Variants in ADGRL3 observed in about 807,000 individuals in gnomAD.
The protein encoded by ADGRL3 is adhesion G protein-coupled receptor L3.
ADGRL3 carries 62 observed loss-of-function variants against 153.5 expected under a neutral mutation model. That is an observed-to-expected ratio of 0.40 (90% CI 0.33 to 0.50). The LOEUF (loss-of-function observed/expected upper bound fraction) is 0.50, where lower values mean the gene tolerates loss of function less well. Ranked by LOEUF, ADGRL3 falls within the 20% of genes least tolerant of loss-of-function variation. The probability of loss-of-function intolerance (pLI) is 0.47; values close to 1 mark genes in which losing one functional copy is unlikely to be tolerated. For missense variants in ADGRL3, 1,641 were observed against 1,859.4 expected, an observed-to-expected ratio of 0.88 and a Z score of 2.16; for synonymous variants, 710 against 672.5, an observed-to-expected ratio of 1.06 and a Z score of -0.86.
chr4:61,476,151 C>T (rs1039637127), intron 2 of ADGRL3, among the ~76,000 whole-genome samples: 6 of 152,156 alleles, frequency 3.9e-5, no homozygotes, highest in African/African-American at 1.4e-4. Flanking sequence ...ATTCTTTCTA[C>T]TGTTTCTTAC....
At chr4:61,873,405 G>A (rs2098457035) in intron 9 of ADGRL3, among the ~76,000 whole-genome samples, 1 of 152,136 alleles carries the variant, frequency 6.6e-6, no homozygotes, top group African/African-American at 2.4e-5. Context: ...TTTGTGCTTT[G>A]CATTAGTTTC....
At chr4:61,593,800 A>G (rs753370026) in intron 5 of ADGRL3, among the ~76,000 whole-genome samples, 107 of 152,166 alleles carry the variant, frequency 7.0e-4, no homozygotes, top group Middle Eastern at 6.8e-3. Flanking sequence ...TTTGAGTTAT[A>G]TCTGCCTGCT....
At chr4:61,925,767 A>T (rs2150036573) in intron 13 of ADGRL3, among the ~76,000 whole-genome samples, 1 of 152,182 alleles carries the variant, frequency 6.6e-6, no homozygotes, top group African/African-American at 2.4e-5. Flanking sequence ...ACCAGGCCCC[A>T]CCTCCAACAC....
intron 1 of ADGRL3, among the ~76,000 whole-genome samples, chr4:61,259,697 C>A (rs1339104998): frequency 2.6e-5 from 4 of 152,076 alleles, no homozygotes; most frequent in Non-Finnish European, 5.9e-5. Flanking sequence ...AGGAGGAAAG[C>A]AGGAGTGTTT....
rs140204398 is a variant in ADGRL3 at position 61,954,208 on chromosome 4, G to A, written c.2805+5932G>A. On this transcript the variant is annotated intron_variant, in intron 17 of 26. Coordinates refer to ENST00000683033, the MANE Select transcript of ADGRL3 (RefSeq NM_001387552.1). ...GCTACTCTGTTCTTTCAGATGCTCTGGTCCTAAAGCATGCATCACCTTTTA... is the reference window on the plus strand; with the variant it reads ...GCTACTCTGTTCTTTCAGATGCTCTAGTCCTAAAGCATGCATCACCTTTTA... Among the ~76,000 whole-genome samples the A allele has an allele frequency of 1.0e-3, 156 of 152,044 alleles. 2 individuals carry two copies. The highest frequency in any genetic ancestry group is 1.6e-3 in the Non-Finnish European group (107 of 68,012).
chr4:61,209,044 TTTAAG>T (rs1271712763), intron 1 of ADGRL3, among the ~76,000 whole-genome samples: 1 of 152,140 alleles, frequency 6.6e-6, no homozygotes, highest in Non-Finnish European at 1.5e-5. Context: ...ATTTAAGAAC[TTTAAG>T]TTATAGATGT....
rs186061923 is a variant in ADGRL3 at position 61,382,392 on chromosome 4, G to A, written c.-239-732G>A. Among the ~76,000 whole-genome samples, 537 of 151,564 alleles carry A rather than the reference G, an allele frequency of 3.5e-3. 2 individuals carry two copies. Among genetic ancestry groups the A allele is most frequent in the African/African-American group, 0.012 (515 of 41,448 alleles). ...GAACATTCAAAAATTGATATGGCCA[G>A]TTGCAAAACCATTAGAAAATATTAA... On this transcript the variant is annotated intron_variant, in intron 1 of 26. Transcript: ENST00000683033.
intron 20 of ADGRL3, among the ~76,000 whole-genome samples, chr4:61,997,409 T>C (rs994780477): frequency 2.0e-5 from 3 of 152,064 alleles, no homozygotes; most frequent in Non-Finnish European, 4.4e-5. Flanking sequence ...TGCAGATTTT[T>C]TGGATTTGGG....
intron 8 of ADGRL3, among the ~76,000 whole-genome samples, chr4:61,744,484 C>A (rs1052352935): frequency 8.5e-5 from 13 of 152,108 alleles, no homozygotes; most frequent in African/African-American, 2.4e-4. Flanking sequence ...CAGACTGACA[C>A]CTCACACCGC....
chr4:61,982,076 A>G (rs369993610), intron 18 of ADGRL3, among the ~76,000 whole-genome samples: 4 of 152,232 alleles, frequency 2.6e-5, no homozygotes, highest in East Asian at 3.9e-4. Context: ...AAATTGTGTT[A>G]TTTTCCAAGA....
At chr4:61,272,799 A>G (rs916804091) in intron 1 of ADGRL3, among the ~76,000 whole-genome samples, 1 of 152,186 alleles carries the variant, frequency 6.6e-6, no homozygotes, top group Non-Finnish European at 1.5e-5. Flanking sequence ...GGTTTGTGTA[A>G]TCAAATGCCT....
intron 8 of ADGRL3, among the ~76,000 whole-genome samples, chr4:61,744,902 C>A: frequency 6.6e-6 from 1 of 152,164 alleles, no homozygotes. Flanking sequence ...AGCCTTCAGA[C>A]GATCAAACTA....
chr4:61,357,975 A>G (rs373763982), intron 1 of ADGRL3, among the ~76,000 whole-genome samples: 4 of 152,220 alleles, frequency 2.6e-5, no homozygotes, highest in African/African-American at 9.6e-5. Context: ...CAATTTATTT[A>G]GCTTCCCTAT....
At chr4:61,845,946 A>G (rs2098112065) in intron 9 of ADGRL3, among the ~76,000 whole-genome samples, 1 of 152,134 alleles carries the variant, frequency 6.6e-6, no homozygotes, top group Non-Finnish European at 1.5e-5. Context: ...ATTTTATACC[A>G]TTTATTGGCA....
chr4:61,887,481 A>C (rs1442138881), intron 9 of ADGRL3, among the ~76,000 whole-genome samples: 1 of 152,228 alleles, frequency 6.6e-6, no homozygotes, highest in Non-Finnish European at 1.5e-5. Flanking sequence ...TTTTAAAACT[A>C]GGAATATATA....
chr4:62,039,872 A>T (rs140056625), intron 24 of ADGRL3, among the ~76,000 whole-genome samples: 227 of 152,258 alleles, frequency 1.5e-3, no homozygotes, highest in African/African-American at 5.3e-3. Flanking sequence ...TTCATCAGCT[A>T]CCATCCGATA....
At chr4:62,040,791 A>G (rs982711610) in intron 24 of ADGRL3, among the ~76,000 whole-genome samples, 1 of 152,100 alleles carries the variant, frequency 6.6e-6, no homozygotes, top group African/African-American at 2.4e-5. Flanking sequence ...CAAAAATATG[A>G]TGATGTCAAT....
chr4:61,564,780 A>T (rs1237311983), intron 4 of ADGRL3, among the ~76,000 whole-genome samples: 2 of 152,164 alleles, frequency 1.3e-5, no homozygotes, highest in Non-Finnish European at 2.9e-5. Flanking sequence ...AAATACCTAG[A>T]GGCCATTGTA....
chr4:61,697,704 A>G (rs903249108), intron 6 of ADGRL3, among the ~76,000 whole-genome samples: 2 of 152,196 alleles, frequency 1.3e-5, no homozygotes, highest in Admixed American at 1.3e-4. Context: ...AAAAACATCC[A>G]AAAGTTCAAT....
Sources: gnomAD v4.1 joint callset for allele counts (sites outside exome capture counted in the v4.1 genomes callset) on GRCh38, gnomAD v4.1.1 for gene constraint, MANE v1.5 for transcripts, NCBI Gene and HGNC (gene_info 2026-07-23, HGNC 2026-07-21) for gene names.